The following CSMD1 variants were observed in gnomAD, a reference collection of about 807,000 sequenced individuals.
CSMD1 encodes CUB and sushi domain-containing protein 1.
In CSMD1, 213 loss-of-function variants were observed where a neutral mutation model predicts 417.5. The observed-to-expected ratio is 0.51, with a 90% confidence interval of 0.46 to 0.57. The LOEUF (loss-of-function observed/expected upper bound fraction) is 0.57. Among genes scored for constraint, CSMD1 ranks in the 20% least tolerant of loss-of-function variants. CSMD1 has a pLI of 0.00. For synonymous variants in CSMD1, 2,862 were observed against 1,736.8 expected (o/e 1.65, Z -16.11); for missense variants, 6,923 against 4,529.7 (o/e 1.53, Z -15.17).
Position 2,982,083 on chromosome 8 carries a change from C to T in CSMD1, c.8378-3283G>A, listed in dbSNP as rs117420399. ...ACGAATATGGGTAACAGGCCAGGTG[C>T]GGTGGCTCACACCTGTAATCCCAGC... On this transcript the variant is annotated intron_variant, in intron 54 of 69. Transcript: ENST00000635120. Among the ~76,000 whole-genome samples the T allele has an allele frequency of 2.3e-3, 343 of 152,110 alleles. 8 individuals are homozygous for T. The East Asian group carries it at 0.058, about 26-fold the overall frequency.
chr8:4,344,490 T>C (rs1021541900), intron 3 of CSMD1, among the ~76,000 whole-genome samples: 1 of 151,728 alleles, frequency 6.6e-6, no homozygotes, highest in African/African-American at 2.4e-5. Flanking sequence ...TCTCTCAATC[T>C]ATTTTTTCAT....
At chr8:4,639,106 G>C (rs1169627105) in intron 1 of CSMD1, among the ~76,000 whole-genome samples, 1 of 152,106 alleles carries the variant, frequency 6.6e-6, no homozygotes, top group Admixed American at 6.5e-5. Flanking sequence ...CCTCACCGAT[G>C]CATTTCATTT....
intron 4 of CSMD1, among the ~76,000 whole-genome samples, chr8:4,010,231 C>T (rs1223272392): frequency 6.6e-6 from 1 of 152,094 alleles, no homozygotes; most frequent in African/African-American, 2.4e-5. Context: ...CATCTCATGG[C>T]TACTTCCAGG....
At position 3,131,975 on chromosome 8, in the gene CSMD1, T is replaced by G. The variant is rs79706190; in HGVS notation, c.6241+10490A>C. Among the ~76,000 whole-genome samples, 143 of 152,282 alleles carry G rather than the reference T, an allele frequency of 9.4e-4. 3 individuals are homozygous for G. The East Asian group carries it at 0.024, about 25-fold the overall frequency. ...CATGGTCTTAACAGGGGATGCAAAT[T>G]CCTTCACAATCCAATACCATCACTC... is the stretch of plus-strand genomic sequence containing the variant. On this transcript the variant is annotated intron_variant, in intron 41 of 69. Transcript: ENST00000635120.
intron 49 of CSMD1, among the ~76,000 whole-genome samples, chr8:3,059,560 G>A (rs1812454463): frequency 2.0e-5 from 3 of 152,290 alleles, no homozygotes; most frequent in East Asian, 1.9e-4. Flanking sequence ...GTAGCTTATA[G>A]GAGGCACGTC....
At chr8:4,520,640 C>A (rs1803394976) in intron 2 of CSMD1, among the ~76,000 whole-genome samples, 1 of 152,042 alleles carries the variant, frequency 6.6e-6, no homozygotes, top group African/African-American at 2.4e-5. Flanking sequence ...AAGTTATTTC[C>A]CCCTACTAGC....
chr8:3,564,885 T>A (rs1799632341), intron 10 of CSMD1, among the ~76,000 whole-genome samples: 2 of 151,292 alleles, frequency 1.3e-5, no homozygotes, highest in Admixed American at 6.6e-5. Context: ...TCATAGACAA[T>A]GAAATAGCTG....
chr8:3,729,256 G>A (rs927784068), intron 6 of CSMD1, among the ~76,000 whole-genome samples: 11 of 152,066 alleles, frequency 7.2e-5, no homozygotes, highest in African/African-American at 1.7e-4. Context: ...AATGACTGAC[G>A]GCTTGCTACA....
chr8:2,994,654 A>G (rs532975657), intron 54 of CSMD1, among the ~76,000 whole-genome samples: 1 of 152,354 alleles, frequency 6.6e-6, no homozygotes, highest in Non-Finnish European at 1.5e-5. Flanking sequence ...ATGGAAAGTG[A>G]GTATAGCTAC....
At chr8:4,752,605 A>C (rs1276277875) in intron 1 of CSMD1, among the ~76,000 whole-genome samples, 1 of 152,194 alleles carries the variant, frequency 6.6e-6, no homozygotes, top group Non-Finnish European at 1.5e-5. Context: ...AATTCTAGAA[A>C]AATGTAGGGG....
At chr8:4,801,859 G>A (rs1798303825) in intron 1 of CSMD1, among the ~76,000 whole-genome samples, 1 of 152,166 alleles carries the variant, frequency 6.6e-6, no homozygotes, top group South Asian at 2.1e-4. Context: ...TCAGACTACT[G>A]AGACTTGGCA....
At chr8:3,125,596 C>G (rs568605331) in intron 41 of CSMD1, among the ~76,000 whole-genome samples, 1 of 152,346 alleles carries the variant, frequency 6.6e-6, no homozygotes, top group Admixed American at 6.5e-5. Flanking sequence ...ACAACTTCTG[C>G]ATCCCCATAC....
intron 37 of CSMD1, among the ~76,000 whole-genome samples, chr8:3,169,397 A>C (rs1820441519): frequency 6.6e-6 from 1 of 152,222 alleles, no homozygotes; most frequent in Admixed American, 6.5e-5. Flanking sequence ...TTCTGCTGCT[A>C]AGTGAAATAA....
At chr8:3,732,282 G>C (rs367748172) in intron 6 of CSMD1, among the ~76,000 whole-genome samples, 1 of 152,128 alleles carries the variant, frequency 6.6e-6, no homozygotes. Flanking sequence ...TCTTTAGAAA[G>C]GCTTAAAATC....
chr8:3,817,142 C>A (rs77933323), intron 5 of CSMD1, among the ~76,000 whole-genome samples: 2,938 of 150,802 alleles, frequency 0.019, 106 homozygotes, highest in African/African-American at 0.067. Context: ...GATGAAGGGA[C>A]ATGTGTTCCT....
chr8:4,448,616 T>C (rs1585093226), intron 2 of CSMD1, among the ~76,000 whole-genome samples: 1 of 152,362 alleles, frequency 6.6e-6, no homozygotes, highest in South Asian at 2.1e-4. Flanking sequence ...AATTAATAAA[T>C]GTAATGGTGG....
intron 6 of CSMD1, among the ~76,000 whole-genome samples, chr8:3,710,737 C>G (rs941182732): frequency 1.3e-5 from 2 of 152,204 alleles, no homozygotes; most frequent in Admixed American, 6.5e-5. Flanking sequence ...CATCCTCCAA[C>G]CTTCCAAAAG....
At chr8:3,492,774 G>A (rs1481977483) in intron 11 of CSMD1, among the ~76,000 whole-genome samples, 1 of 152,118 alleles carries the variant, frequency 6.6e-6, no homozygotes, top group Admixed American at 6.5e-5. Flanking sequence ...CTGTCACCGT[G>A]TTTGCTAAGA....
intron 2 of CSMD1, among the ~76,000 whole-genome samples, chr8:4,434,392 A>C (rs149158653): frequency 6.6e-6 from 1 of 152,170 alleles, no homozygotes; most frequent in Non-Finnish European, 1.5e-5. Context: ...TAAGAACACT[A>C]AATCTGAGTG....
Sources: allele counts gnomAD v4.1 joint callset (sites outside exome capture counted in the v4.1 genomes callset), GRCh38; gene constraint gnomAD v4.1.1; transcripts MANE v1.5; gene names NCBI Gene and HGNC (gene_info 2026-07-23, HGNC 2026-07-21).